Variants in KHDRBS3 observed in about 807,000 individuals in gnomAD.
KHDRBS3 encodes the protein KH RNA binding domain containing, signal transduction associated 3, also known as KH domain-containing, RNA-binding, signal transduction-associated protein 3.
In KHDRBS3, 23 loss-of-function variants were observed where a neutral mutation model predicts 45.6. The observed-to-expected ratio is 0.50, with a 90% confidence interval of 0.36 to 0.72. KHDRBS3 has a LOEUF of 0.72. KHDRBS3 is among the 30% of genes least tolerant of loss of function. The pLI is 0.00. For missense variants in KHDRBS3, 352 were observed against 424.8 expected (o/e 0.83, Z 1.51); for synonymous variants, 162 against 156.5 (o/e 1.04, Z -0.26).
chr8:135,497,733 AGTT>A (rs2130478556), intron 1 of KHDRBS3, among the ~76,000 whole-genome samples: 1 of 152,310 alleles, frequency 6.6e-6, no homozygotes, highest in African/African-American at 2.4e-5. Flanking sequence ...TATGCACTGA[AGTT>A]ATTTAATTTT....
chr8:135,486,872 TA>T (rs1822889765), intron 1 of KHDRBS3, among the ~76,000 whole-genome samples: 1 of 152,250 alleles, frequency 6.6e-6, no homozygotes, highest in Non-Finnish European at 1.5e-5. Flanking sequence ...ATACTTATTT[TA>T]AAACAATATA....
chr8:135,650,942 C>A (rs1433247693), downstream of KHDRBS3, among the ~76,000 whole-genome samples: 2 of 152,142 alleles, frequency 1.3e-5, no homozygotes, highest in Non-Finnish European at 2.9e-5. Context: ...TGCTGTGTTG[C>A]AGATGGTAGG....
At chr8:135,505,335 C>T (rs1012071437) in intron 1 of KHDRBS3, among the ~76,000 whole-genome samples, 4 of 152,126 alleles carry the variant, frequency 2.6e-5, no homozygotes, top group Admixed American at 6.5e-5. Flanking sequence ...CTTGGTCTGT[C>T]CTCCAAAACC....
chr8:135,489,063 G>A (rs1823008435), intron 1 of KHDRBS3, among the ~76,000 whole-genome samples: 1 of 152,134 alleles, frequency 6.6e-6, no homozygotes, highest in South Asian at 2.1e-4. Context: ...TGACCATCCA[G>A]TAAATGGCAG....
intron 1 of KHDRBS3, among the ~76,000 whole-genome samples, chr8:135,463,071 T>G (rs1322897099): frequency 6.6e-6 from 1 of 152,180 alleles, no homozygotes; most frequent in Non-Finnish European, 1.5e-5. Flanking sequence ...TGTTTTCTGG[T>G]GTCACATAAC....
chr8:135,596,473 C>A (rs956530629), intron 6 of KHDRBS3, among the ~76,000 whole-genome samples: 1 of 152,154 alleles, frequency 6.6e-6, no homozygotes, highest in African/African-American at 2.4e-5. Flanking sequence ...TCATAGCAGT[C>A]CTTTGTGGGA....
intron 5 of KHDRBS3, among the ~76,000 whole-genome samples, chr8:135,564,322 G>C (rs1482323009): frequency 6.6e-6 from 1 of 152,170 alleles, no homozygotes; most frequent in Admixed American, 6.5e-5. Context: ...TGATCCCATG[G>C]TTTGAGAAGT....
At chr8:135,607,487 C>T (rs376025337) in intron 7 of KHDRBS3, among the ~76,000 whole-genome samples, 8 of 152,178 alleles carry the variant, frequency 5.3e-5, no homozygotes, top group African/African-American at 1.9e-4. Flanking sequence ...CTTCAAACTC[C>T]TACCTGTGAA....
chr8:135,583,090 C>T (rs953327832), intron 6 of KHDRBS3, among the ~76,000 whole-genome samples: 10 of 152,140 alleles, frequency 6.6e-5, no homozygotes, highest in Admixed American at 5.9e-4. Flanking sequence ...TCCTTCTACA[C>T]GTAGGTCAAT....
intron 1 of KHDRBS3, among the ~76,000 whole-genome samples, chr8:135,479,370 G>T (rs1822453363): frequency 6.6e-6 from 1 of 152,226 alleles, no homozygotes; most frequent in Non-Finnish European, 1.5e-5. Context: ...TAGCAAACAT[G>T]TAAGGCAAAA....
chr8:135,633,920 G>C (rs1830707113), intron 7 of KHDRBS3, among the ~76,000 whole-genome samples: 1 of 152,164 alleles, frequency 6.6e-6, no homozygotes. Context: ...GTTCACTCTT[G>C]GTGTTGTAGA....
Position 135,458,273 on chromosome 8 carries a change from GA to G in KHDRBS3, c.88+321del, listed in dbSNP as rs544753890. 165 of 926,550 alleles carry G rather than the reference GA, an allele frequency of 1.8e-4. No homozygotes were observed. In the African/African-American group the frequency reaches 2.7e-3, roughly 15 times the overall value. 57.4% of individuals were successfully genotyped at this position (926,550 alleles called of 1,614,324 possible). A position where few individuals can be genotyped will look rare whatever the true frequency, so the allele number is the denominator to read the frequency against. ...AGCGACCATCTGGGGGCTTCGTTGG[GA>G]ACGAGGTTGAATTATGTCATGGAAG... On this transcript the variant is annotated intron_variant, in intron 1 of 8. Transcript: ENST00000355849.
chr8:135,546,278 C>A (rs1826296940), intron 3 of KHDRBS3, among the ~76,000 whole-genome samples: 1 of 151,962 alleles, frequency 6.6e-6, no homozygotes, highest in Non-Finnish European at 1.5e-5. Context: ...CAGAAGTTAT[C>A]AGTTAATATG....
chr8:135,580,804 A>G (rs2130921037), intron 5 of KHDRBS3, among the ~76,000 whole-genome samples: 2 of 151,740 alleles, frequency 1.3e-5, no homozygotes, highest in Admixed American at 1.3e-4. Context: ...GTAGAGATGG[A>G]GTTTTGCCAT....
intron 7 of KHDRBS3, among the ~76,000 whole-genome samples, chr8:135,628,408 A>G (rs1370179334): frequency 2.6e-5 from 4 of 152,216 alleles, no homozygotes; most frequent in Non-Finnish European, 5.9e-5. Flanking sequence ...TTATTCCACA[A>G]AACACAGTAG....
intron 1 of KHDRBS3, among the ~76,000 whole-genome samples, chr8:135,470,515 G>A (rs947947314): frequency 6.6e-6 from 1 of 151,396 alleles, no homozygotes; most frequent in Non-Finnish European, 1.5e-5. Flanking sequence ...ACAGTCGATT[G>A]ATTGTATTCT....
At chr8:135,601,021 G>C (rs4076529) in intron 6 of KHDRBS3, among the ~76,000 whole-genome samples, 2,177 of 152,294 alleles carry the variant, frequency 0.014, 41 homozygotes, top group African/African-American at 0.049. Context: ...AATTCCTTAG[G>C]TTGCTTGTGA....
At chr8:135,486,595 C>T (rs56019938) in intron 1 of KHDRBS3, among the ~76,000 whole-genome samples, 16,227 of 152,238 alleles carry the variant, frequency 0.11, 955 homozygotes, top group East Asian at 0.18. Flanking sequence ...TATTTTCAAT[C>T]CCAGGTGTCT....
At chr8:135,581,806 T>C in intron 5 of KHDRBS3, 72 bp from the exon 6 acceptor site, 1 of 1,150,054 alleles carries the variant, frequency 8.7e-7, no homozygotes, top group Non-Finnish European at 1.2e-6. Flanking sequence ...GTTTCTGAGG[T>C]ATAAATATAT....
Sources: gnomAD v4.1 joint callset for allele counts (sites outside exome capture counted in the v4.1 genomes callset) on GRCh38, gnomAD v4.1.1 for gene constraint, MANE v1.5 for transcripts, NCBI Gene and HGNC (gene_info 2026-07-23, HGNC 2026-07-21) for gene names.